NRIP1: variants seen among roughly 807,000 people sequenced by gnomAD.
NRIP1 encodes nuclear receptor-interacting protein 1.
In NRIP1, 28 loss-of-function variants were observed where a neutral mutation model predicts 75.0. That is an observed-to-expected ratio of 0.37 (90% CI 0.28 to 0.51). The LOEUF (loss-of-function observed/expected upper bound fraction) is 0.51, where lower values mean the gene tolerates loss of function less well. Ranked by LOEUF, NRIP1 falls within the 20% of genes least tolerant of loss-of-function variation. The pLI, the probability that NRIP1 is intolerant of heterozygous loss-of-function variation, is 0.92. For synonymous variants in NRIP1, 526 were observed against 487.6 expected (o/e 1.08, Z -1.04); for missense variants, 1,435 against 1,343.7 (o/e 1.07, Z -1.06).
chr21:15,053,592 G>A (rs1254294151), intron 1 of NRIP1, among the ~76,000 whole-genome samples: 1 of 152,116 alleles, frequency 6.6e-6, no homozygotes, highest in Admixed American at 6.5e-5. Context: ...CATACCGACT[G>A]ACACTAATGA....
At chr21:15,059,787 T>C (rs1332413282) in intron 1 of NRIP1, among the ~76,000 whole-genome samples, 2 of 151,862 alleles carry the variant, frequency 1.3e-5, no homozygotes, top group African/African-American at 4.8e-5. Flanking sequence ...CCCCAAAGAG[T>C]GTTTTCTTCC....
intron 3 of NRIP1, among the ~76,000 whole-genome samples, chr21:14,997,322 ATAT>A: frequency 1.3e-5 from 2 of 152,298 alleles, no homozygotes; most frequent in South Asian, 4.2e-4. Context: ...TCCTTCAGAC[ATAT>A]TATACTTTTA....
At position 14,965,764 on chromosome 21, in the gene NRIP1, T is replaced by C; in HGVS notation, c.2429A>G (p.Asp810Gly). The C allele has an allele frequency of 6.2e-7, 1 of 1,613,990 alleles. No individual in the cohort carries two copies. The highest frequency in any genetic ancestry group is 8.5e-7 in the Non-Finnish European group (1 of 1,179,968). The change falls in exon 4 of 4, where the codon GAT becomes GGT. Residue 810 changes from aspartate to glycine, a missense_variant. Coordinates refer to ENST00000318948, the MANE Select transcript of NRIP1 (RefSeq NM_003489.4). ...CAGACCATTCTTGGAGAAAGAAAAATCCTGAGGTGAAACAGGCTCCGATTT... is the reference window on the plus strand; with the variant it reads ...CAGACCATTCTTGGAGAAAGAAAAACCCTGAGGTGAAACAGGCTCCGATTT... ...DFKSEPVSPQ[D>G]FSFSKNGLLS...
chr21:15,040,203 C>T (rs1265879101), intron 2 of NRIP1, among the ~76,000 whole-genome samples: 2 of 152,012 alleles, frequency 1.3e-5, no homozygotes, highest in Non-Finnish European at 2.9e-5. Flanking sequence ...TACAGATTTA[C>T]ATTATTTTTC....
chr21:15,018,744 A>G (rs1199230822), intron 2 of NRIP1, among the ~76,000 whole-genome samples: 2 of 152,208 alleles, frequency 1.3e-5, no homozygotes, highest in Admixed American at 6.5e-5. Context: ...TAACAGTGAT[A>G]TTCTAGATGG....
intron 3 of NRIP1, among the ~76,000 whole-genome samples, chr21:14,972,870 G>C (rs756408388): frequency 6.6e-6 from 1 of 152,178 alleles, no homozygotes; most frequent in Admixed American, 6.5e-5. Flanking sequence ...TGCTGCCACC[G>C]ATGTGACAGG....
At chr21:15,046,080 T>G (rs1355543228) in intron 1 of NRIP1, among the ~76,000 whole-genome samples, 1 of 152,210 alleles carries the variant, frequency 6.6e-6, no homozygotes, top group East Asian at 1.9e-4. Flanking sequence ...CTATTAATGT[T>G]AGTATTTTGA....
At chr21:14,986,743 T>C (rs2087415828) in intron 3 of NRIP1, among the ~76,000 whole-genome samples, 1 of 152,238 alleles carries the variant, frequency 6.6e-6, no homozygotes, top group African/African-American at 2.4e-5. Flanking sequence ...TTTTGGCATA[T>C]ATTTTATTCA....
chr21:15,058,138 A>T (rs1249411046), intron 1 of NRIP1, among the ~76,000 whole-genome samples: 1 of 152,138 alleles, frequency 6.6e-6, no homozygotes, highest in Admixed American at 6.5e-5. Context: ...CTGCCGGGGG[A>T]GATAAAAGGG....
At chr21:14,975,164 G>A (rs1016772102) in intron 3 of NRIP1, among the ~76,000 whole-genome samples, 1 of 152,004 alleles carries the variant, frequency 6.6e-6, no homozygotes, top group African/African-American at 2.4e-5. Context: ...ATTCATCTAG[G>A]ATGTATCTGA....
chr21:14,966,993 C>T lies in NRIP1; in HGVS notation c.1200G>A (p.Glu400=). The change falls in exon 4 of 4, where the codon GAG becomes GAA. Residue 400 remains glutamate, a synonymous_variant. Coordinates refer to ENST00000318948, the MANE Select transcript of NRIP1 (RefSeq NM_003489.4). The part of the protein sequence containing the change: ...PKPMNGHSHS[E]RGSIFEESST... The stretch of plus-strand genomic sequence containing the variant: ...TACTTTCCTCAAAAATGCTTCCTCT[C>T]TCACTGTGACTGTGTCCATTCATTG... The T allele has an allele frequency of 6.2e-7, 1 of 1,614,178 alleles. No homozygotes were observed. The highest frequency in any genetic ancestry group is 8.5e-7 in the Non-Finnish European group (1 of 1,180,014).
intron 3 of NRIP1, among the ~76,000 whole-genome samples, chr21:15,003,128 T>G (rs899547710): frequency 6.6e-6 from 1 of 152,206 alleles, no homozygotes; most frequent in African/African-American, 2.4e-5. Flanking sequence ...AGTCATTGAG[T>G]AGGCGAATGA....
intron 2 of NRIP1, among the ~76,000 whole-genome samples, chr21:15,040,964 T>C (rs1301303293): frequency 2.0e-5 from 3 of 152,200 alleles, no homozygotes; most frequent in South Asian, 2.1e-4. Context: ...TCTAAACACA[T>C]GCACATCCCA....
Position 14,963,432 on chromosome 21 carries a change from C to G in NRIP1, c.*1284G>C, listed in dbSNP as rs1389470909. ...TGTTGAGCCAGATATGAAAGTTATCCCCTCCACCCAATTTTTGTCATAAAA... is the reference window on the plus strand; with the variant it reads ...TGTTGAGCCAGATATGAAAGTTATCGCCTCCACCCAATTTTTGTCATAAAA... On this transcript the variant is annotated 3_prime_UTR_variant, in exon 4 of 4. Transcript: ENST00000318948. 6.6e-6 allele frequency: 1 copy of G among 152,372 alleles called. No individual in the cohort carries two copies. The highest frequency in any genetic ancestry group is 1.5e-5 in the Non-Finnish European group (1 of 67,952). The allele number at this position is 152,372 out of a possible 1,614,324, so 9.4% of individuals were successfully genotyped here.
intron 1 of NRIP1, among the ~76,000 whole-genome samples, chr21:15,055,808 A>T (rs1222966555): frequency 6.6e-6 from 1 of 152,116 alleles, no homozygotes; most frequent in Non-Finnish European, 1.5e-5. Flanking sequence ...ATTCTTAAGG[A>T]CTCAATTTCT....
chr21:15,063,228 A>G (rs932441355), intron 1 of NRIP1, among the ~76,000 whole-genome samples: 2 of 152,202 alleles, frequency 1.3e-5, no homozygotes, highest in Non-Finnish European at 2.9e-5. Context: ...AAGTTACTGT[A>G]GGTGATGAAG....
intron 3 of NRIP1, among the ~76,000 whole-genome samples, chr21:14,989,440 C>G (rs961397299): frequency 6.6e-6 from 1 of 152,148 alleles, no homozygotes; most frequent in Non-Finnish European, 1.5e-5. Flanking sequence ...ATTATCCAAA[C>G]TGTGTAGGAA....
chr21:15,045,558 G>A (rs1326689987), intron 1 of NRIP1, among the ~76,000 whole-genome samples: 1 of 152,174 alleles, frequency 6.6e-6, no homozygotes, highest in East Asian at 1.9e-4. Flanking sequence ...CCATATTGAT[G>A]GCTGCCAAAT....
At chr21:14,979,427 C>G (rs1568953114) in intron 3 of NRIP1, among the ~76,000 whole-genome samples, 1 of 152,104 alleles carries the variant, frequency 6.6e-6, no homozygotes, top group African/African-American at 2.4e-5. Context: ...ATTTGACATA[C>G]AGACACAAGC....
Sources: gnomAD v4.1 joint callset for allele counts (sites outside exome capture counted in the v4.1 genomes callset) on GRCh38, gnomAD v4.1.1 for gene constraint, MANE v1.5 for transcripts, NCBI Gene and HGNC (gene_info 2026-07-23, HGNC 2026-07-21) for gene names.